CNTN1: variants seen among roughly 807,000 people sequenced by gnomAD.
CNTN1 encodes the protein contactin-1.
CNTN1 carries 38 observed loss-of-function variants against 126.4 expected under a neutral mutation model. The observed-to-expected ratio is 0.30, with a 90% confidence interval of 0.23 to 0.39. The LOEUF (loss-of-function observed/expected upper bound fraction) is 0.39. Among genes scored for constraint, CNTN1 ranks in the 10% least tolerant of loss-of-function variants. CNTN1 has a pLI of 1.00. For missense variants in CNTN1, 1,009 were observed against 1,248.4 expected (o/e 0.81, Z 2.89); for synonymous variants, 413 against 422.6 (o/e 0.98, Z 0.28).
At chr12:40,989,641 CT>C (rs1566098276) in intron 16 of CNTN1, among the ~76,000 whole-genome samples, 1 of 152,112 alleles carries the variant, frequency 6.6e-6, no homozygotes, top group East Asian at 1.9e-4. Context: ...ACTGTCCACT[CT>C]AAATAGACAC....
chr12:40,693,666 G>C (rs908627265), intron 1 of CNTN1, among the ~76,000 whole-genome samples: 1 of 152,136 alleles, frequency 6.6e-6, no homozygotes, highest in Non-Finnish European at 1.5e-5. Context: ...ACGTGTGCTT[G>C]TGTGTGCACA....
chr12:40,932,756 C>T (rs1378179265), intron 7 of CNTN1, among the ~76,000 whole-genome samples: 1 of 151,928 alleles, frequency 6.6e-6, no homozygotes, highest in African/African-American at 2.4e-5. Flanking sequence ...TCAAAGTACC[C>T]ATTTTGATTT....
intron 1 of CNTN1, among the ~76,000 whole-genome samples, chr12:40,879,471 T>C (rs1943798664): frequency 6.6e-6 from 1 of 152,162 alleles, no homozygotes; most frequent in South Asian, 2.1e-4. Context: ...GAGCATTTTA[T>C]GCTGAACCAA....
At chr12:40,935,168 A>C (rs1946039174) in intron 9 of CNTN1, among the ~76,000 whole-genome samples, 1 of 152,010 alleles carries the variant, frequency 6.6e-6, no homozygotes, top group Non-Finnish European at 1.5e-5. Context: ...CGTATGTCCA[A>C]TGCCACAGTA....
intron 9 of CNTN1, 128 bp from the exon 10 acceptor site, chr12:40,936,653 T>C: frequency 8.7e-7 from 1 of 1,150,662 alleles, no homozygotes; most frequent in Non-Finnish European, 1.3e-6. Flanking sequence ...TATTACTGAG[T>C]TCAGGATGCA....
intron 1 of CNTN1, among the ~76,000 whole-genome samples, chr12:40,886,961 G>A (rs571517384): frequency 9.7e-4 from 147 of 152,180 alleles, no homozygotes; most frequent in Non-Finnish European, 1.8e-3. Flanking sequence ...TGCTGTTTTG[G>A]TTACTGTAGC....
At chr12:41,069,088 T>C (rs692016) in intron 23 of CNTN1, among the ~76,000 whole-genome samples, 6,458 of 152,276 alleles carry the variant, frequency 0.042, 325 homozygotes, top group African/African-American at 0.11. Flanking sequence ...TACTTTACAA[T>C]AGTTTCTCAA....
chr12:41,002,589 G>A (rs577686849), intron 17 of CNTN1, among the ~76,000 whole-genome samples: 3 of 127,048 alleles, frequency 2.4e-5, no homozygotes, highest in Non-Finnish European at 4.7e-5. Flanking sequence ...ATGGAGTCTT[G>A]CTCTGTTGCC....
At chr12:40,971,022 T>G (rs1321548303) in intron 15 of CNTN1, among the ~76,000 whole-genome samples, 6 of 152,196 alleles carry the variant, frequency 3.9e-5, no homozygotes, top group Non-Finnish European at 4.4e-5. Flanking sequence ...GTTGATTAAC[T>G]TTTTCAAACC....
intron 1 of CNTN1, among the ~76,000 whole-genome samples, chr12:40,745,982 C>T (rs946651198): frequency 2.6e-5 from 4 of 152,094 alleles, no homozygotes; most frequent in Non-Finnish European, 4.4e-5. Context: ...TTAGTTCTCA[C>T]GTAGGTAGTC....
intron 1 of CNTN1, among the ~76,000 whole-genome samples, chr12:40,783,231 A>C (rs1220098616): frequency 6.6e-6 from 1 of 151,944 alleles, no homozygotes; most frequent in African/African-American, 2.4e-5. Context: ...AGAGTGGGTG[A>C]TTTCTCTGAA....
At chr12:40,878,495 C>T (rs923493322) in intron 1 of CNTN1, among the ~76,000 whole-genome samples, 2 of 152,072 alleles carry the variant, frequency 1.3e-5, no homozygotes, top group Admixed American at 6.5e-5. Flanking sequence ...TTAGTTTTAC[C>T]ATTTTTAAAA....
intron 3 of CNTN1, among the ~76,000 whole-genome samples, chr12:40,914,875 T>G (rs1230261776): frequency 1.3e-5 from 2 of 152,134 alleles, no homozygotes; most frequent in Non-Finnish European, 2.9e-5. Context: ...AAATTGTATA[T>G]CCCCTTTGAG....
chr12:40,954,455 A>G (rs916804617), intron 14 of CNTN1, among the ~76,000 whole-genome samples: 21 of 152,140 alleles, frequency 1.4e-4, no homozygotes, highest in African/African-American at 4.8e-4. Flanking sequence ...TACCTTCTCT[A>G]TATATGAATC....
Position 41,029,075 on chromosome 12 carries a change from C to A in CNTN1, c.2836C>A (p.Pro946Thr), listed in dbSNP as rs763961336. The change falls in exon 23 of 24, where the codon CCT (proline) becomes ACT (threonine). Residue 946 changes from proline to threonine, a missense_variant. Physicochemically the swap from Pro to Thr is conservative, Grantham distance 38. Coordinates refer to ENST00000551295, the MANE Select transcript of CNTN1 (RefSeq NM_001843.4). ...TGTACTTTATAAGGTACTCTACAGACCTGATGGCCAGCATGATGGCAAGCT... is the reference window on the plus strand; with the variant it reads ...TGTACTTTATAAGGTACTCTACAGAACTGATGGCCAGCATGATGGCAAGCT... ...TVTGYKVLYR[P>T]DGQHDGKLYS... 1.2e-6 allele frequency: 2 copies of A among 1,613,982 alleles called. No individual in the cohort carries two copies. The highest frequency in any genetic ancestry group is 1.1e-5 in the South Asian group (1 of 91,082).
intron 1 of CNTN1, among the ~76,000 whole-genome samples, chr12:40,848,726 A>T (rs1942606751): frequency 6.6e-6 from 1 of 151,502 alleles, no homozygotes; most frequent in African/African-American, 2.4e-5. Flanking sequence ...CTTGGTCTTT[A>T]GGTCTTCTCA....
At chr12:40,898,164 A>G (rs1160547284) in intron 1 of CNTN1, among the ~76,000 whole-genome samples, 1 of 152,110 alleles carries the variant, frequency 6.6e-6, no homozygotes, top group Non-Finnish European at 1.5e-5. Context: ...ATCATGTTAT[A>G]TGATGTGGGG....
At chr12:40,981,198 T>C (rs898784792) in intron 16 of CNTN1, 131 bp downstream of exon 16, 1 of 811,612 alleles carries the variant, frequency 1.2e-6, no homozygotes, top group Non-Finnish European at 2.0e-6. Flanking sequence ...TTTTTTAAAA[T>C]GTATTCTAAT....
At chr12:40,757,676 C>T (rs1296331294) in intron 1 of CNTN1, among the ~76,000 whole-genome samples, 1 of 152,104 alleles carries the variant, frequency 6.6e-6, no homozygotes, top group African/African-American at 2.4e-5. Context: ...ACAAGGATAA[C>T]CTTGTTGCTC....
Sources: gnomAD v4.1 joint callset for allele counts (sites outside exome capture counted in the v4.1 genomes callset) on GRCh38, gnomAD v4.1.1 for gene constraint, MANE v1.5 for transcripts, NCBI Gene and HGNC (gene_info 2026-07-23, HGNC 2026-07-21) for gene names.